The following GRAMD2B variants were observed in gnomAD, a reference collection of about 807,000 sequenced individuals.
GRAMD2B encodes GRAM domain-containing protein 2B.
A neutral mutation model predicts 59.2 loss-of-function variants in GRAMD2B; 41 were observed. That is an observed-to-expected ratio of 0.69 (90% confidence interval 0.54 to 0.90). The LOEUF is 0.90. GRAMD2B is among the 40% of genes least tolerant of loss of function. The pLI is 0.00. For missense variants in GRAMD2B, 424 were observed against 500.5 expected (o/e 0.85, Z 1.46); for synonymous variants, 161 against 182.7 (o/e 0.88, Z 0.96).
chr5:126,448,355 AG>A (rs1764729585), intron 1 of GRAMD2B, among the ~76,000 whole-genome samples: 2 of 152,010 alleles, frequency 1.3e-5, no homozygotes, highest in East Asian at 3.9e-4. Flanking sequence ...ACCACAGAGA[AG>A]GCATGGCAGC....
At chr5:126,390,964 T>C (rs1361960172) in intron 1 of GRAMD2B, among the ~76,000 whole-genome samples, 1 of 152,214 alleles carries the variant, frequency 6.6e-6, no homozygotes, top group African/African-American at 2.4e-5. Flanking sequence ...CTAGCCACTT[T>C]GCTGTACTCC....
At position 126,480,054 on chromosome 5, in the gene GRAMD2B, C is replaced by T. The variant is rs111776899; in HGVS notation, c.583-402C>T. 349 of 160,844 alleles carry T rather than the reference C, an allele frequency of 2.2e-3. 3 individuals carry two copies. The highest frequency in any genetic ancestry group is 8.0e-3 in the African/African-American group (332 of 41,616). 10.0% of individuals were successfully genotyped at this position (160,844 alleles called of 1,614,324 possible). On this transcript the variant is annotated intron_variant, in intron 6 of 13. Coordinates refer to ENST00000285689, the MANE Select transcript of GRAMD2B (RefSeq NM_023927.4). ...GGTCAGAGCAGAGAAGGCGGACCCTCGGGAATTGTTAAATACCCTTAAAAA... is the reference window on the plus strand; with the variant it reads ...GGTCAGAGCAGAGAAGGCGGACCCTTGGGAATTGTTAAATACCCTTAAAAA...
upstream of GRAMD2B, chr5:126,423,194 G>A (rs1323971976): frequency 4.0e-6 from 4 of 1,011,590 alleles, no homozygotes; most frequent in African/African-American, 1.7e-5. Context: ...AGTCGGGATA[G>A]AAAACAAAAA....
chr5:126,383,529 T>C (rs1045796052), intron 1 of GRAMD2B, among the ~76,000 whole-genome samples: 3 of 152,198 alleles, frequency 2.0e-5, no homozygotes, highest in Admixed American at 2.0e-4. Context: ...CATTACTTTA[T>C]AAACCTTGCT....
intron 3 of GRAMD2B, among the ~76,000 whole-genome samples, chr5:126,470,402 C>A (rs1318512807): frequency 6.6e-6 from 1 of 152,012 alleles, no homozygotes; most frequent in African/African-American, 2.4e-5. Context: ...CATCGGCACA[C>A]CCAAGAAATT....
At chr5:126,374,251 CT>C (rs1383376591) in intron 1 of GRAMD2B, among the ~76,000 whole-genome samples, 3 of 152,046 alleles carry the variant, frequency 2.0e-5, no homozygotes, top group Non-Finnish European at 4.4e-5. Flanking sequence ...ATTTTTTTAC[CT>C]TTTTCAATCT....
intron 1 of GRAMD2B, among the ~76,000 whole-genome samples, chr5:126,374,420 G>A (rs545146890): frequency 4.6e-5 from 7 of 151,882 alleles, no homozygotes; most frequent in Non-Finnish European, 7.4e-5. Flanking sequence ...GGTCACTATC[G>A]TTTTCTTCTT....
rs113322556 is a variant in GRAMD2B, at chr5:126,382,606, T to A, written c.125+11039T>A. Among the ~76,000 whole-genome samples, 629 of 152,286 alleles carry A rather than the reference T, an allele frequency of 4.1e-3. 3 individuals are homozygous for A. The highest frequency in any genetic ancestry group is 0.014 in the African/African-American group (587 of 41,566). ...TTTCTGACCATATCCTGTAACATTT[T>A]AAAAATTTCTTTAAATTGGTATTTA... On this transcript the variant is annotated intron_variant, in intron 1 of 8. Coordinates refer to the GRAMD2B transcript ENST00000506445.
At chr5:126,367,425 TA>T (rs1479825994), upstream of GRAMD2B, among the ~76,000 whole-genome samples, 1 of 135,708 alleles carries the variant, frequency 7.4e-6, no homozygotes, top group Middle Eastern at 3.8e-3. Context: ...CCTACACCTG[TA>T]AAAACTGGAG....
intron 1 of GRAMD2B, among the ~76,000 whole-genome samples, chr5:126,386,733 T>C (rs1210718161): frequency 6.6e-6 from 1 of 152,234 alleles, no homozygotes; most frequent in East Asian, 1.9e-4. Context: ...CTAATCTTTC[T>C]AAATTCCAGT....
intron 1 of GRAMD2B, among the ~76,000 whole-genome samples, chr5:126,403,938 T>C (rs1045080918): frequency 4.6e-5 from 7 of 151,954 alleles, no homozygotes; most frequent in African/African-American, 1.7e-4. Context: ...TGAGCAGTAT[T>C]TAAATCTTAA....
chr5:126,411,841 GGTGT>G (rs147604532), intron 1 of GRAMD2B, among the ~76,000 whole-genome samples: 1 of 148,766 alleles, frequency 6.7e-6, no homozygotes, highest in East Asian at 2.0e-4. Context: ...ATATATTTCT[GGTGT>G]GTGTGTGTGT....
At chr5:126,396,519 T>C (rs1489877316) in intron 1 of GRAMD2B, among the ~76,000 whole-genome samples, 1 of 152,244 alleles carries the variant, frequency 6.6e-6, no homozygotes, top group Non-Finnish European at 1.5e-5. Flanking sequence ...CATTCTTTTT[T>C]ATTACTGCAT....
At chr5:126,365,520 C>T (rs1213229459) in intron 1 of GRAMD2B, among the ~76,000 whole-genome samples, 1 of 152,168 alleles carries the variant, frequency 6.6e-6, no homozygotes, top group African/African-American at 2.4e-5. Flanking sequence ...TTTTATCAAA[C>T]ACCCAAATGT....
At chr5:126,485,311 A>G (rs987569233) in intron 10 of GRAMD2B, among the ~76,000 whole-genome samples, 9 of 152,194 alleles carry the variant, frequency 5.9e-5, no homozygotes, top group African/African-American at 2.2e-4. Context: ...TGATCACGCC[A>G]CTGTCACCTG....
upstream of GRAMD2B, chr5:126,423,314 T>G: frequency 2.4e-6 from 3 of 1,261,186 alleles, no homozygotes; most frequent in Non-Finnish European, 3.0e-6. Context: ...GTTTCCTTTT[T>G]CTCTTCTCTG....
intron 1 of GRAMD2B, among the ~76,000 whole-genome samples, chr5:126,381,791 G>A (rs1755682025): frequency 1.3e-5 from 2 of 152,092 alleles, no homozygotes; most frequent in East Asian, 1.9e-4. Flanking sequence ...TATAGGTCCT[G>A]TGAGATTTAT....
At chr5:126,382,894 G>A (rs1755783680) in intron 1 of GRAMD2B, among the ~76,000 whole-genome samples, 1 of 152,154 alleles carries the variant, frequency 6.6e-6, no homozygotes, top group African/African-American at 2.4e-5. Context: ...ATTCCTTGAT[G>A]TAGTACTCTC....
upstream of GRAMD2B, among the ~76,000 whole-genome samples, chr5:126,370,499 G>A (rs1483500355): frequency 6.6e-6 from 1 of 152,218 alleles, no homozygotes; most frequent in Non-Finnish European, 1.5e-5. Flanking sequence ...CTAGTAACGA[G>A]GGTGGAGGGA....
Sources: gnomAD v4.1 joint callset for allele counts (sites outside exome capture counted in the v4.1 genomes callset) on GRCh38, gnomAD v4.1.1 for gene constraint, MANE v1.5 for transcripts, NCBI Gene and HGNC (gene_info 2026-07-23, HGNC 2026-07-21) for gene names.